The following SPATA7 variants were observed in gnomAD, a reference collection of about 807,000 sequenced individuals.
The protein encoded by SPATA7 is spermatogenesis-associated protein 7.
SPATA7 carries 43 observed loss-of-function variants against 51.8 expected under a neutral mutation model. The ratio of observed to expected loss-of-function variants is 0.83; its 90% CI spans 0.65 to 1.07. SPATA7 has a LOEUF of 1.07. SPATA7 is among the 50% of genes least tolerant of loss of function. The pLI, the probability that SPATA7 is intolerant of heterozygous loss-of-function variation, is 0.00. For missense variants in SPATA7, 683 were observed against 701.3 expected, an observed-to-expected ratio of 0.97 and a Z score of 0.30; for synonymous variants, 230 against 252.8, an observed-to-expected ratio of 0.91 and a Z score of 0.86.
downstream of SPATA7, among the ~76,000 whole-genome samples, chr14:88,456,359 A>G (rs1395217456): frequency 2.6e-5 from 4 of 151,896 alleles, no homozygotes; most frequent in Non-Finnish European, 5.9e-5. Context: ...AAGTGTTCCT[A>G]TTTCTCCACA....
chr14:88,401,013 C>T lies in SPATA7; in HGVS notation c.238+4810C>T, dbSNP rs1443480346. ...CTCATTTTATGAGGCTAGCACCACC[C>T]TGATGCCAAAACCAAACAAAGACAA... On this transcript the variant is annotated intron_variant, in intron 4 of 11. Transcript: ENST00000393545. Among the ~76,000 whole-genome samples, 4 of 152,230 alleles carry T rather than the reference C, an allele frequency of 2.6e-5. No homozygotes were observed. In the East Asian group the frequency reaches 7.7e-4, roughly 29 times the overall value.
chr14:88,469,769 C>G lies in SPATA7; in HGVS notation c.255-78C>G. On this transcript the variant is annotated intron_variant, in intron 4 of 4. Coordinates refer to the SPATA7 transcript ENST00000556406. This position sits in a 1 kb window ranked among gnomAD's most constrained non-coding sequence, Gnocchi z 4.3. The stretch of plus-strand genomic sequence containing the variant: ...TGAGCATGGTTAAATGACTCGAGAT[C>G]CGGCAATGGATGCCTTTCTCACATA... 1.2e-6 allele frequency: 2 copies of G among 1,608,938 alleles called. No homozygotes were observed.
chr14:88,443,920 T>G (rs557117843), intron 3 of SPATA7, among the ~76,000 whole-genome samples: 1,536 of 152,218 alleles, frequency 0.01, 12 homozygotes, highest in African/African-American at 0.035. Context: ...TCTTTGCTAT[T>G]GTGAATAATG....
Position 88,433,151 on chromosome 14 carries a change from T to C in SPATA7, c.1099T>C (p.Tyr367His). The C allele has an allele frequency of 6.2e-7, 1 of 1,611,820 alleles. No homozygotes were observed. Among genetic ancestry groups the C allele is most frequent in the Non-Finnish European group, 8.5e-7 (1 of 1,179,302 alleles). Reference protein sequence around the residue: ...KIYSDEEELLYLSFIEDVTDE... With the variant: ...KIYSDEEELLHLSFIEDVTDE... Reference sequence around the variant, plus strand: ...CTTTTACAGTGAAGAAGAACTGTTGTATCTGAGTTTCATTGAAGATGTAAC... The same window carrying C: ...CTTTTACAGTGAAGAAGAACTGTTGCATCTGAGTTTCATTGAAGATGTAAC... Residue 367 changes from tyrosine to histidine, a missense_variant, in exon 10 of 12, where the codon TAT becomes CAT. By Grantham distance (83) the Tyr-to-His change is moderately conservative. Transcript: ENST00000393545.
chr14:88,404,449 G>T (rs1408065231), intron 4 of SPATA7, among the ~76,000 whole-genome samples: 1 of 152,196 alleles, frequency 6.6e-6, no homozygotes, highest in Non-Finnish European at 1.5e-5. Context: ...AGGCGTTGTG[G>T]CTCACGCCTG....
intron 4 of SPATA7, among the ~76,000 whole-genome samples, chr14:88,464,244 A>G (rs991613701): frequency 1.3e-5 from 2 of 152,104 alleles, no homozygotes; most frequent in African/African-American, 4.8e-5. Flanking sequence ...TTCCCAGGCA[A>G]ATTTCTAATG....
rs571730522 is a variant in SPATA7, at chr14:88,413,520, A to G, written c.239-3191A>G. Among the ~76,000 whole-genome samples, 3 of 152,216 alleles carry G rather than the reference A, an allele frequency of 2.0e-5. No individual in the cohort carries two copies. In the South Asian group the frequency reaches 6.2e-4, roughly 32 times the overall value. On this transcript the variant is annotated intron_variant, in intron 4 of 11. Coordinates refer to ENST00000393545, the MANE Select transcript of SPATA7 (RefSeq NM_018418.5). ...AGATAATTTGACTACTACTTTTCCA[A>G]TTTGGATGTGTTTTATTTCTTTCTC...
At chr14:88,412,627 C>A (rs1336386714) in intron 4 of SPATA7, among the ~76,000 whole-genome samples, 2 of 152,206 alleles carry the variant, frequency 1.3e-5, no homozygotes, top group Non-Finnish European at 2.9e-5. Flanking sequence ...CAGATATACC[C>A]AGTACCAATA....
intron 5 of SPATA7, among the ~76,000 whole-genome samples, chr14:88,421,148 A>G (rs896746121): frequency 6.6e-6 from 1 of 152,118 alleles, no homozygotes; most frequent in African/African-American, 2.4e-5. Flanking sequence ...CAGTTCTTTA[A>G]TAATAAATAT....
At chr14:88,386,080 T>C in intron 1 of SPATA7, 1 of 1,389,706 alleles carries the variant, frequency 7.2e-7, no homozygotes, top group Non-Finnish European at 9.4e-7. Flanking sequence ...GGGGCCCCTG[T>C]CTCCTGAACT....
chr14:88,433,888 A>G (rs1460234264), intron 10 of SPATA7, among the ~76,000 whole-genome samples: 1 of 152,174 alleles, frequency 6.6e-6, no homozygotes, highest in Non-Finnish European at 1.5e-5. Flanking sequence ...AATTAAAGCA[A>G]ACATTTTCAT....
At chr14:88,446,667 G>T (rs2077215197) in intron 3 of SPATA7, among the ~76,000 whole-genome samples, 1 of 152,114 alleles carries the variant, frequency 6.6e-6, no homozygotes, top group Non-Finnish European at 1.5e-5. Context: ...GCGTCCCAGA[G>T]ATTCTGGTAT....
In SPATA7 at chr14:88,389,354, C is replaced by T. The variant is rs141881615; in HGVS notation, c.20-2027C>T. 1.7e-3 allele frequency among the ~76,000 whole-genome samples: 259 copies of T among 152,004 alleles called. 1 individual carries two copies. The highest frequency in any genetic ancestry group is 5.7e-3 in the African/African-American group (237 of 41,362). On this transcript the variant is annotated intron_variant, in intron 1 of 11. Coordinates refer to ENST00000393545, the MANE Select transcript of SPATA7 (RefSeq NM_018418.5). ...GTGTAGCTGGGACTACAGGCACACA[C>T]CACCACACCCAGCTAATTTTGTATT... is the stretch of plus-strand genomic sequence containing the variant.
At chr14:88,460,803 A>T (rs1226473946) in intron 4 of SPATA7, among the ~76,000 whole-genome samples, 1 of 152,118 alleles carries the variant, frequency 6.6e-6, no homozygotes, top group African/African-American at 2.4e-5. Flanking sequence ...TAGAATTTTC[A>T]GCTTTTCTGC....
rs1380044219 is a variant in SPATA7 at position 88,437,591 on chromosome 14, G to A, written c.1209G>A (p.Leu403=). ...FERHIKQNKH[L]EEEKMRHLLH... is the part of the protein sequence containing the mutation. ...GACATATAAAACAAAATAAACATTT[G>A]GAGGAGGTTTGTCTTTCCTTATAAC... Residue 403 remains leucine (L), a synonymous_variant, in exon 11 of 12, where the codon TTG becomes TTA. Transcript: ENST00000393545. The A allele has an allele frequency of 6.2e-7, 1 of 1,608,526 alleles. No individual in the cohort carries two copies. The highest frequency in any genetic ancestry group is 8.5e-7 in the Non-Finnish European group (1 of 1,176,376).
chr14:88,440,918 C>T (rs985369880), downstream of SPATA7, among the ~76,000 whole-genome samples: 6 of 151,970 alleles, frequency 3.9e-5, no homozygotes, highest in Admixed American at 2.6e-4. Context: ...GATTTTGGTG[C>T]ACCCAGCACC....
downstream of SPATA7, among the ~76,000 whole-genome samples, chr14:88,438,949 C>T (rs1245603018): frequency 6.6e-6 from 1 of 152,158 alleles, no homozygotes; most frequent in Admixed American, 6.5e-5. Context: ...TGGGTAGAAG[C>T]AAGTCACAGG....
chr14:88,390,142 A>G (rs2075701201), intron 1 of SPATA7, among the ~76,000 whole-genome samples: 1 of 152,210 alleles, frequency 6.6e-6, no homozygotes, highest in Admixed American at 6.5e-5. Context: ...GATTAAATGA[A>G]TTTATACCAG....
rs1420675887 is a variant in SPATA7 at position 88,393,303 on chromosome 14, T to C, written c.95-90T>C. On this transcript the variant is annotated intron_variant, in intron 2 of 11. Transcript: ENST00000393545. ...TCTCTGGTTGAATTTCAGAACATTT[T>C]ATAAGAATGAGTTAAATAATCAGTG... The C allele has an allele frequency of 3.3e-6, 3 of 903,378 alleles. No individual in the cohort carries two copies. The African/African-American group carries it at 5.0e-5, about 15-fold the overall frequency. The allele number at this position is 903,378 out of a possible 1,614,324, so 56.0% of individuals were successfully genotyped here.
Sources: gnomAD v4.1 joint callset for allele counts (sites outside exome capture counted in the v4.1 genomes callset) on GRCh38, gnomAD v4.1.1 for gene constraint, Gnocchi (gnomAD v3.1) non-coding constraint, MANE v1.5 for transcripts, NCBI Gene and HGNC (gene_info 2026-07-23, HGNC 2026-07-21) for gene names.